Variants in HPD observed in about 807,000 individuals in gnomAD.
HPD encodes 4-hydroxyphenylpyruvate dioxygenase.
In HPD, 35 loss-of-function variants were observed where a neutral mutation model predicts 56.9. That is an observed-to-expected ratio of 0.62 (90% CI 0.47 to 0.82). The LOEUF (loss-of-function observed/expected upper bound fraction) is 0.82, where lower values mean the gene tolerates loss of function less well. HPD is among the 40% of genes least tolerant of loss of function. The pLI is 0.00. For synonymous variants in HPD, 186 were observed against 200.2 expected, an observed-to-expected ratio of 0.93 and a Z score of 0.60; for missense variants, 442 against 506.8, an observed-to-expected ratio of 0.87 and a Z score of 1.23.
the HPD span, among the ~76,000 whole-genome samples, chr12:121,887,354 C>T: frequency 6.7e-6 from 1 of 148,712 alleles, no homozygotes; most frequent in Non-Finnish European, 1.5e-5. Context: ...ACCTGTATTT[C>T]TCTCTCTCTC....
chr12:121,851,262 C>T (rs2137621694), intron 7 of HPD, among the ~76,000 whole-genome samples: 1 of 152,266 alleles, frequency 6.6e-6, no homozygotes, highest in East Asian at 1.9e-4. Flanking sequence ...GATCCACCCA[C>T]CTTGGCCTCC....
At chr12:121,851,813 C>A (rs1190162529) in intron 7 of HPD, among the ~76,000 whole-genome samples, 658 of 27,948 alleles carry the variant, frequency 0.024, 232 homozygotes, top group Middle Eastern at 0.042. Context: ...GGGTTCACGC[C>A]ATTCTCCTGC....
chr12:121,869,277 G>A, the HPD span, among the ~76,000 whole-genome samples: 1 of 150,976 alleles, frequency 6.6e-6, no homozygotes, highest in Non-Finnish European at 1.5e-5. Flanking sequence ...TTGAACCTGG[G>A]AGACGGAGGT....
chr12:121,840,162 T>G (rs1455601694), intron 12 of HPD, 114 bp from the exon 13 acceptor site: 2 of 768,788 alleles, frequency 2.6e-6, no homozygotes, highest in East Asian at 4.9e-5. Flanking sequence ...TTTCTGGCAG[T>G]TCAGCCACCT....
At chr12:121,872,090 A>G in the HPD span, among the ~76,000 whole-genome samples, 2 of 138,200 alleles carry the variant, frequency 1.4e-5, no homozygotes, top group Admixed American at 1.4e-4. Context: ...AAAAAAAAAA[A>G]TTAGCTGGGC....
upstream of HPD, among the ~76,000 whole-genome samples, chr12:121,866,381 T>TA (rs11397109): frequency 0.49 from 71,443 of 144,978 alleles, 17,645 homozygotes; most frequent in Non-Finnish European, 0.52. Context: ...ATGTTACGTT[T>TA]AAAAAAAAAA....
At chr12:121,883,909 G>A in the HPD span, among the ~76,000 whole-genome samples, 1 of 151,864 alleles carries the variant, frequency 6.6e-6, no homozygotes, top group Non-Finnish European at 1.5e-5. Flanking sequence ...TGAACCACTT[G>A]CAAGTTAGTA....
the HPD span, among the ~76,000 whole-genome samples, chr12:121,878,853 T>C: frequency 6.6e-6 from 1 of 151,712 alleles, no homozygotes; most frequent in Non-Finnish European, 1.5e-5. Flanking sequence ...TTTTTTCCTT[T>C]GGCAAAGATG....
the HPD span, among the ~76,000 whole-genome samples, chr12:121,885,496 G>A: frequency 8.6e-5 from 13 of 151,150 alleles, no homozygotes; most frequent in East Asian, 2.0e-4. Flanking sequence ...CACCACGCCC[G>A]GCCTATATCT....
At chr12:121,843,654 T>C in intron 12 of HPD, 56 bp downstream of exon 12, 1 of 1,605,938 alleles carries the variant, frequency 6.2e-7, no homozygotes, top group South Asian at 1.1e-5. Flanking sequence ...TCTGAAAAGA[T>C]GCAATGCAGA....
At chr12:121,875,374 T>C in the HPD span, among the ~76,000 whole-genome samples, 2 of 151,956 alleles carry the variant, frequency 1.3e-5, no homozygotes, top group Admixed American at 6.6e-5. Flanking sequence ...GTGGTGTAGA[T>C]ACTCTGTATG....
chr12:121,859,598 A>C (rs1741626999), upstream of HPD, among the ~76,000 whole-genome samples: 1 of 152,176 alleles, frequency 6.6e-6, no homozygotes, highest in Non-Finnish European at 1.5e-5. Context: ...GGAGATATTG[A>C]TATCCCCATC....
At chr12:121,872,045 A>G in the HPD span, among the ~76,000 whole-genome samples, 4 of 148,534 alleles carry the variant, frequency 2.7e-5, no homozygotes, top group Non-Finnish European at 6.0e-5. Flanking sequence ...AGCCTGGCCA[A>G]GATGGTGAAA....
At chr12:121,873,283 T>G in the HPD span, among the ~76,000 whole-genome samples, 1 of 152,234 alleles carries the variant, frequency 6.6e-6, no homozygotes, top group African/African-American at 2.4e-5. Context: ...TGTCACCTCC[T>G]ATCGGATCTG....
chr12:121,843,869 C>G lies in HPD; in HGVS notation c.832-37G>C, dbSNP rs189965935. The stretch of plus-strand genomic sequence containing the variant: ...CAAAGCTGAGGTCAGCCTTCGGCCT[C>G]CAAGTTCAACTCCCCTAGCCAGGTG... On this transcript the variant is annotated intron_variant, in intron 11 of 13. Coordinates refer to ENST00000289004, the MANE Select transcript of HPD (RefSeq NM_002150.3). The G allele has an allele frequency of 2.5e-6, 4 of 1,613,882 alleles. No homozygotes were observed. The Admixed American group carries it at 6.7e-5, about 27-fold the overall frequency.
Position 121,846,854 on chromosome 12 carries a change from G to T in HPD, c.831+8C>A, listed in dbSNP as rs1356756583. 2 of 1,613,652 alleles carry T rather than the reference G, an allele frequency of 1.2e-6. No individual in the cohort carries two copies. Among genetic ancestry groups the T allele is most frequent in the Non-Finnish European group, 1.7e-6 (2 of 1,179,602 alleles). Reference sequence around the variant, plus strand: ...GAGAGGAATTCGGACAGGGAAGGGGGTTCTAACCGCTGTGATGATGTCTTC... The same window carrying T: ...GAGAGGAATTCGGACAGGGAAGGGGTTTCTAACCGCTGTGATGATGTCTTC... On this transcript the variant is annotated splice_region_variant and intron_variant, in intron 11 of 13. Transcript: ENST00000289004.
the HPD span, among the ~76,000 whole-genome samples, chr12:121,882,596 A>G: frequency 6.6e-6 from 1 of 152,210 alleles, no homozygotes; most frequent in Non-Finnish European, 1.5e-5. Flanking sequence ...ACATTCTCTA[A>G]GAATCTCCAG....
rs1488661466 is a variant in HPD at position 121,839,677 on chromosome 12, G to C, written c.*51C>G. ...CAGTAGGGAAGTTGGGCGAGTTCCAGAATCAGGGGGCGTGGCTGTGTGGCT... is the reference window on the plus strand; with the variant it reads ...CAGTAGGGAAGTTGGGCGAGTTCCACAATCAGGGGGCGTGGCTGTGTGGCT... On this transcript the variant is annotated 3_prime_UTR_variant, in exon 14 of 14. Coordinates refer to ENST00000289004, the MANE Select transcript of HPD (RefSeq NM_002150.3). The C allele has an allele frequency of 4.5e-6, 6 of 1,340,096 alleles. No homozygotes were observed. Among genetic ancestry groups the C allele is most frequent in the Non-Finnish European group, 6.4e-6 (6 of 931,068 alleles). The allele number at this position is 1,340,096 out of a possible 1,614,324, so 83.0% of individuals were successfully genotyped here.
intron 7 of HPD, among the ~76,000 whole-genome samples, chr12:121,852,697 C>A (rs1203344533): frequency 1.5e-5 from 2 of 129,096 alleles, no homozygotes; most frequent in African/African-American, 6.0e-5. Context: ...TGCAGAGGTG[C>A]AATCTTGGCT....
Sources: allele counts gnomAD v4.1 joint callset (sites outside exome capture counted in the v4.1 genomes callset), GRCh38; gene constraint gnomAD v4.1.1; transcripts MANE v1.5; gene names NCBI Gene and HGNC (gene_info 2026-07-23, HGNC 2026-07-21).